The following ACOXL variants were observed in gnomAD, a reference collection of about 807,000 sequenced individuals.
ACOXL encodes acyl-coenzyme A oxidase-like protein.
ACOXL carries 70 observed loss-of-function variants against 71.9 expected under a neutral mutation model. That is an observed-to-expected ratio of 0.97 (90% CI 0.80 to 1.19). The LOEUF is 1.19. Ranked by LOEUF, ACOXL falls within the 50% of genes most tolerant of loss-of-function variation. The pLI is 0.00. For synonymous variants in ACOXL, 253 were observed against 281.6 expected, an observed-to-expected ratio of 0.90 and a Z score of 1.02; for missense variants, 703 against 736.3, an observed-to-expected ratio of 0.95 and a Z score of 0.52.
At chr2:110,775,634 A>G (rs1361603876) in intron 2 of ACOXL, among the ~76,000 whole-genome samples, 1 of 152,228 alleles carries the variant, frequency 6.6e-6, no homozygotes, top group African/African-American at 2.4e-5. Flanking sequence ...ATAAACACAT[A>G]GAAAGATGCC....
chr2:111,023,773 G>A (rs1163576856), intron 14 of ACOXL, among the ~76,000 whole-genome samples: 1 of 152,158 alleles, frequency 6.6e-6, no homozygotes, highest in Non-Finnish European at 1.5e-5. Flanking sequence ...AGCTGGGGAA[G>A]CTGTCACAGC....
chr2:110,933,327 T>C (rs1185588998), intron 11 of ACOXL, among the ~76,000 whole-genome samples, 162 bp from the exon 12 acceptor site: 3 of 152,272 alleles, frequency 2.0e-5, no homozygotes, highest in Non-Finnish European at 4.4e-5. Context: ...GTTTTAACTA[T>C]GCCACTGTTA....
In ACOXL at chr2:110,732,617, CAGCCACGCGGAGA is replaced by C. The variant is rs1213299073; in HGVS notation, c.-176_-164del. The C allele has an allele frequency of 2.0e-5, 3 of 153,060 alleles. No homozygotes were observed. Among genetic ancestry groups the C allele is most frequent in the African/African-American group, 7.2e-5 (3 of 41,460 alleles). 9.5% of individuals were successfully genotyped at this position (153,060 alleles called of 1,614,324 possible). ...AGGCGCGGAGCGAAGCCGGCCCTGC[CAGCCACGCGGAGA>C]AGCAGAGGCAGGTGAGCGCGATGCA... On this transcript the variant is annotated 5_prime_UTR_variant, in exon 1 of 18. Coordinates refer to ENST00000439055, the MANE Select transcript of ACOXL (RefSeq NM_001142807.4).
chr2:110,822,275 G>A (rs1688701751), intron 9 of ACOXL, among the ~76,000 whole-genome samples: 1 of 152,034 alleles, frequency 6.6e-6, no homozygotes. Context: ...CTAAACATGA[G>A]TTCACACTCA....
At chr2:110,739,909 C>T (rs947138812) in intron 1 of ACOXL, among the ~76,000 whole-genome samples, 5 of 152,250 alleles carry the variant, frequency 3.3e-5, no homozygotes, top group South Asian at 2.1e-4. Flanking sequence ...GGTTGGTCCA[C>T]GTGGTTTTAT....
At chr2:110,985,517 C>A (rs1167517060) in intron 12 of ACOXL, among the ~76,000 whole-genome samples, 1 of 152,132 alleles carries the variant, frequency 6.6e-6, no homozygotes, top group African/African-American at 2.4e-5. Flanking sequence ...ATGATCACAG[C>A]AAGACATACA....
At chr2:110,818,247 C>T (rs1186065993) in intron 9 of ACOXL, among the ~76,000 whole-genome samples, 6 of 151,480 alleles carry the variant, frequency 4.0e-5, no homozygotes, top group African/African-American at 1.2e-4. Context: ...CAAAAATTAG[C>T]CTGGTGTGGT....
At chr2:110,942,263 A>G (rs1013791538) in intron 12 of ACOXL, among the ~76,000 whole-genome samples, 1 of 152,236 alleles carries the variant, frequency 6.6e-6, no homozygotes, top group Non-Finnish European at 1.5e-5. Context: ...CCCAATTCAA[A>G]GGCAGAAATT....
At chr2:110,765,397 T>A (rs1680920951) in intron 1 of ACOXL, among the ~76,000 whole-genome samples, 1 of 152,186 alleles carries the variant, frequency 6.6e-6, no homozygotes, top group Non-Finnish European at 1.5e-5. Context: ...TTTTTTGCTT[T>A]TCAAAACTGA....
chr2:110,902,537 G>A (rs1299169449), intron 10 of ACOXL, among the ~76,000 whole-genome samples: 1 of 152,210 alleles, frequency 6.6e-6, no homozygotes, highest in Non-Finnish European at 1.5e-5. Flanking sequence ...TGTGTGCAGC[G>A]AGGTCCCTTC....
At chr2:110,897,490 G>C (rs926707100) in intron 10 of ACOXL, among the ~76,000 whole-genome samples, 1 of 152,126 alleles carries the variant, frequency 6.6e-6, no homozygotes, top group Non-Finnish European at 1.5e-5. Context: ...ATGGCAGAAG[G>C]CAGAAGAGCA....
At chr2:111,018,166 G>A (rs1246258092) in intron 14 of ACOXL, 1 of 152,324 alleles carries the variant, frequency 6.6e-6, no homozygotes, top group Admixed American at 6.5e-5. Flanking sequence ...GACAGTTCCT[G>A]TCCCCGAGGA....
In ACOXL at chr2:110,794,107, C is replaced by T; in HGVS notation, c.278C>T (p.Thr93Ile). 10 of 1,614,164 alleles carry T rather than the reference C, an allele frequency of 6.2e-6. No individual in the cohort carries two copies. Among genetic ancestry groups the T allele is most frequent in the Non-Finnish European group, 7.6e-6 (9 of 1,180,026 alleles). ...EQKYTGMFAMTERGHGSNARG... is the reference protein window; with the variant it reads ...EQKYTGMFAMIERGHGSNARG... ...AAATACACTGGGATGTTTGCAATGA[C>T]CGAGAGGGGCCATGGGAGCAACGCG... The change falls in exon 5 of 18, where the codon ACC becomes ATC. Residue 93 changes from threonine to isoleucine, a missense_variant. Coordinates refer to ENST00000439055, the MANE Select transcript of ACOXL (RefSeq NM_001142807.4).
rs558502710 is a variant in ACOXL at position 110,977,524 on chromosome 2, C to T, written c.1060-9584C>T. Among the ~76,000 whole-genome samples the T allele has an allele frequency of 3.3e-5, 5 of 152,320 alleles. No homozygotes were observed. In the East Asian group the frequency reaches 9.6e-4, roughly 29 times the overall value. On this transcript the variant is annotated intron_variant, in intron 12 of 17. Transcript: ENST00000439055. ...CCAACTCATGATGCACACAAACTCA[C>T]CCCATCCTCCAACATAACAACCCTC...
chr2:110,891,089 G>C (rs1697880559), intron 10 of ACOXL, among the ~76,000 whole-genome samples: 1 of 151,882 alleles, frequency 6.6e-6, no homozygotes, highest in African/African-American at 2.4e-5. Flanking sequence ...TTAGTATATA[G>C]AAATACAATT....
intron 14 of ACOXL, among the ~76,000 whole-genome samples, chr2:111,017,448 G>A (rs1000862593): frequency 5.3e-5 from 8 of 152,240 alleles, no homozygotes; most frequent in Admixed American, 3.9e-4. Flanking sequence ...GCAGCTTCCT[G>A]CCTCCAGCAG....
intron 12 of ACOXL, among the ~76,000 whole-genome samples, chr2:110,985,977 A>T (rs1558828645): frequency 6.6e-6 from 1 of 152,154 alleles, no homozygotes; most frequent in Non-Finnish European, 1.5e-5. Flanking sequence ...GTATCAATCA[A>T]GTTCGTGGGG....
At chr2:111,042,805 G>A (rs753386900) in intron 15 of ACOXL, among the ~76,000 whole-genome samples, 6 of 152,116 alleles carry the variant, frequency 3.9e-5, no homozygotes, top group Non-Finnish European at 8.8e-5. Context: ...CGGGGGATGC[G>A]GTGCTTTGGA....
At chr2:110,811,652 A>G (rs551783233) in intron 9 of ACOXL, among the ~76,000 whole-genome samples, 2 of 149,150 alleles carry the variant, frequency 1.3e-5, no homozygotes, top group East Asian at 4.0e-4. Context: ...GGCACGTTGT[A>G]TGTGCTTGGA....
Sources: gnomAD v4.1 joint callset for allele counts (sites outside exome capture counted in the v4.1 genomes callset) on GRCh38, gnomAD v4.1.1 for gene constraint, MANE v1.5 for transcripts, NCBI Gene and HGNC (gene_info 2026-07-23, HGNC 2026-07-21) for gene names.